Variants in ANO10 observed in about 807,000 individuals in gnomAD.
ANO10 encodes the protein anoctamin-10.
In ANO10, 77 loss-of-function variants were observed where a neutral mutation model predicts 74.7. The ratio of observed to expected loss-of-function variants is 1.03; its 90% CI spans 0.86 to 1.25. The LOEUF is 1.25. Among genes scored for constraint, ANO10 ranks in the 50% most tolerant of loss-of-function variants. The probability of loss-of-function intolerance (pLI) is 0.00; values close to 1 mark genes in which losing one functional copy is unlikely to be tolerated. For synonymous variants in ANO10, 279 were observed against 284.9 expected (o/e 0.98, Z 0.21); for missense variants, 721 against 778.1 (o/e 0.93, Z 0.87).
chr3:43,456,288 T>G (rs1449048814), intron 11 of ANO10, among the ~76,000 whole-genome samples: 1 of 152,222 alleles, frequency 6.6e-6, no homozygotes, highest in Non-Finnish European at 1.5e-5. Flanking sequence ...TGTATATATT[T>G]TAAAGCTCCA....
intron 11 of ANO10, among the ~76,000 whole-genome samples, chr3:43,545,235 T>C (rs796100372): frequency 9.8e-5 from 15 of 152,318 alleles, no homozygotes; most frequent in African/African-American, 3.4e-4. Flanking sequence ...AAGAACATTA[T>C]GTAGACTCCA....
rs368457303 is a variant in ANO10, at chr3:43,438,028, A to G, written c.1798-5301T>C. Among the ~76,000 whole-genome samples the G allele has an allele frequency of 2.6e-5, 4 of 152,308 alleles. No homozygotes were observed. In the East Asian group the frequency reaches 5.8e-4, roughly 22 times the overall value. On this transcript the variant is annotated intron_variant, in intron 11 of 12. Coordinates refer to ENST00000292246, the MANE Select transcript of ANO10 (RefSeq NM_018075.5). ...AGTGAGCTATAAGAGGTCACAGGCA[A>G]CTAAATAAAATGAGGAAAACAATGC...
At chr3:43,690,953 C>T (rs760056786) in intron 1 of ANO10, 3 of 1,549,110 alleles carry the variant, frequency 1.9e-6, no homozygotes, top group African/African-American at 1.4e-5. Flanking sequence ...GCCTGTCAGC[C>T]GGCTTCGAGA....
At chr3:43,369,464 C>A (rs1294269222) in intron 12 of ANO10, among the ~76,000 whole-genome samples, 1 of 152,258 alleles carries the variant, frequency 6.6e-6, no homozygotes, top group Non-Finnish European at 1.5e-5. Context: ...TTTCCTTCAC[C>A]TGTCCTGGAG....
chr3:43,560,692 C>T (rs2079987804), intron 9 of ANO10, among the ~76,000 whole-genome samples: 1 of 152,172 alleles, frequency 6.6e-6, no homozygotes, highest in Admixed American at 6.5e-5. Context: ...AAGTGTAAAT[C>T]TCTAATGATC....
chr3:43,417,775 A>G (rs1373005965), intron 12 of ANO10, among the ~76,000 whole-genome samples: 1 of 152,200 alleles, frequency 6.6e-6, no homozygotes, highest in Non-Finnish European at 1.5e-5. Context: ...CTAGTGCTCT[A>G]TCAATGGCAA....
intron 1 of ANO10, among the ~76,000 whole-genome samples, chr3:43,676,667 G>C (rs779474036): frequency 1.1e-4 from 17 of 151,990 alleles, no homozygotes; most frequent in Non-Finnish European, 1.9e-4. Context: ...GTCCTGGTTG[G>C]GACATTGTAA....
At chr3:43,425,598 T>A (rs930074715) in intron 12 of ANO10, among the ~76,000 whole-genome samples, 9 of 152,050 alleles carry the variant, frequency 5.9e-5, no homozygotes, top group African/African-American at 2.2e-4. Context: ...ACATTCTCCC[T>A]TTTGGAGTTT....
At chr3:43,431,077 CTT>C (rs758157587) in intron 12 of ANO10, among the ~76,000 whole-genome samples, 17 of 141,434 alleles carry the variant, frequency 1.2e-4, no homozygotes, top group Admixed American at 2.8e-4. Flanking sequence ...ATTTTCTTTT[CTT>C]TTTTTTTTTT....
intron 12 of ANO10, among the ~76,000 whole-genome samples, chr3:43,422,732 A>C (rs2092837793): frequency 6.6e-6 from 1 of 152,220 alleles, no homozygotes; most frequent in South Asian, 2.1e-4. Context: ...TGATTTGGCC[A>C]TGTTTCTCAC....
intron 11 of ANO10, among the ~76,000 whole-genome samples, chr3:43,454,321 T>C (rs1200988116): frequency 6.6e-6 from 1 of 152,186 alleles, no homozygotes; most frequent in African/African-American, 2.4e-5. Context: ...AGTGAGGACA[T>C]TGACTTTTAT....
chr3:43,374,246 T>C (rs2091721499), intron 12 of ANO10, among the ~76,000 whole-genome samples: 2 of 152,338 alleles, frequency 1.3e-5, no homozygotes, highest in Non-Finnish European at 2.9e-5. Context: ...CTTTTTAACC[T>C]CCTTTGTTGA....
chr3:43,688,771 G>C (rs1415681467), intron 1 of ANO10, among the ~76,000 whole-genome samples: 1 of 151,808 alleles, frequency 6.6e-6, no homozygotes, highest in African/African-American at 2.4e-5. Flanking sequence ...TTGAACCTGG[G>C]AGGTGCAGGT....
chr3:43,572,794 G>A (rs765855816), intron 7 of ANO10, among the ~76,000 whole-genome samples: 2 of 152,172 alleles, frequency 1.3e-5, no homozygotes, highest in Non-Finnish European at 1.5e-5. Flanking sequence ...ACAGGTGTGA[G>A]TGCTTAATTA....
chr3:43,446,479 T>C (rs2093248076), intron 11 of ANO10, among the ~76,000 whole-genome samples: 3 of 152,230 alleles, frequency 2.0e-5, no homozygotes, highest in Admixed American at 1.3e-4. Context: ...TATAACTGCA[T>C]ATTTTTTTCA....
At position 43,565,693 on chromosome 3, in the gene ANO10, T is replaced by A. The variant is rs748489030; in HGVS notation, c.1253A>T (p.Tyr418Phe). 7.1e-5 allele frequency: 109 copies of A among 1,533,830 alleles called. 3 individuals carry two copies. The South Asian group carries it at 1.3e-3, about 18-fold the overall frequency. The part of the protein sequence containing the change: ...NFLNCFASLF[Y>F]IAFVLKDMKL... Reference sequence around the variant, plus strand: ...CATATCTTTCAAGACAAAGGCAATATAGAAGAGTGAGGCAAAGCAATTGAG... The same window carrying A: ...CATATCTTTCAAGACAAAGGCAATAAAGAAGAGTGAGGCAAAGCAATTGAG... The change falls in exon 8 of 13, where the codon TAT becomes TTT. Residue 418 changes from tyrosine to phenylalanine, a missense_variant. Transcript: ENST00000292246.
At chr3:43,575,677 G>A (rs1009435991) in intron 6 of ANO10, among the ~76,000 whole-genome samples, 5 of 151,454 alleles carry the variant, frequency 3.3e-5, no homozygotes, top group African/African-American at 4.9e-5. Flanking sequence ...TTGCTCTGTC[G>A]CCCAGACTAG....
intron 12 of ANO10, 57 bp from the exon 13 acceptor site, chr3:43,367,031 G>T: frequency 6.6e-7 from 1 of 1,508,506 alleles, no homozygotes. Context: ...AGTGGCCGAG[G>T]CCTCTGCTCT....
At chr3:43,491,334 C>T (rs1466240904) in intron 11 of ANO10, among the ~76,000 whole-genome samples, 3 of 151,918 alleles carry the variant, frequency 2.0e-5, no homozygotes, top group Admixed American at 6.6e-5. Flanking sequence ...GCCAACATGG[C>T]GAAACCCCAT....
Sources: allele counts gnomAD v4.1 joint callset (sites outside exome capture counted in the v4.1 genomes callset), GRCh38; gene constraint gnomAD v4.1.1; transcripts MANE v1.5; gene names NCBI Gene and HGNC (gene_info 2026-07-23, HGNC 2026-07-21).